Variants in DST observed in about 807,000 individuals in gnomAD.
DST encodes dystonin, also known as bullous pemphigoid antigen.
In DST, 253 loss-of-function variants were observed where a neutral mutation model predicts 875.2. The observed-to-expected ratio is 0.29, with a 90% CI of 0.26 to 0.32. The LOEUF is 0.32. Ranked by LOEUF, DST falls within the 10% of genes least tolerant of loss-of-function variation. The pLI, the probability that DST is intolerant of heterozygous loss-of-function variation, is 1.00. For synonymous variants in DST, 3,124 were observed against 3,197.1 expected (o/e 0.98, Z 0.77); for missense variants, 8,287 against 9,111.6 (o/e 0.91, Z 3.68).
intron 36 of DST, chr6:56,615,708 C>T: frequency 6.2e-7 from 1 of 1,614,142 alleles, no homozygotes; most frequent in Non-Finnish European, 8.5e-7. Flanking sequence ...GCAATGAGGA[C>T]ATCTATAATA....
intron 19 of DST, 48 bp from the exon 20 acceptor site, chr6:56,639,821 TTC>T: frequency 6.3e-7 from 1 of 1,594,454 alleles, no homozygotes; most frequent in East Asian, 2.2e-5. Context: ...TCTGAAGGAA[TTC>T]TGACTCACAC....
chr6:56,626,698 A>C (rs1426545577), intron 34 of DST, among the ~76,000 whole-genome samples: 1 of 152,180 alleles, frequency 6.6e-6, no homozygotes, highest in Non-Finnish European at 1.5e-5. Flanking sequence ...CAAAATCAGA[A>C]ACATGTAGGG....
intron 103 of DST, among the ~76,000 whole-genome samples, chr6:56,459,887 T>G (rs921536327): frequency 1.3e-5 from 2 of 152,110 alleles, no homozygotes; most frequent in African/African-American, 4.8e-5. Context: ...CTTGAAGGGG[T>G]AGAATACCAC....
At chr6:56,514,953 CTG>C (rs2096561186) in intron 72 of DST, among the ~76,000 whole-genome samples, 1 of 152,130 alleles carries the variant, frequency 6.6e-6, no homozygotes, top group Non-Finnish European at 1.5e-5. Flanking sequence ...ACAAAATAAT[CTG>C]TCTTTATACT....
At chr6:56,486,362 C>CAAA (rs61164880) in intron 87 of DST, among the ~76,000 whole-genome samples, 392 of 33,892 alleles carry the variant, frequency 0.012, 16 homozygotes, top group African/African-American at 0.034. Context: ...GACTCCGTCT[C>CAAA]AAAAAAAAAA....
intron 72 of DST, among the ~76,000 whole-genome samples, chr6:56,512,687 T>A (rs115417152): frequency 0.011 from 1,641 of 152,320 alleles, 27 homozygotes; most frequent in African/African-American, 0.038. Flanking sequence ...ATTGAAAGTG[T>A]CTACTAAAAT....
intron 2 of DST, among the ~76,000 whole-genome samples, chr6:56,919,014 A>G (rs1450103973): frequency 6.6e-6 from 1 of 151,404 alleles, no homozygotes; most frequent in Non-Finnish European, 1.5e-5. Context: ...TCTCCGAATT[A>G]TTTTCTTCTC....
chr6:56,908,960 C>T (rs1479686216), intron 2 of DST, among the ~76,000 whole-genome samples: 2 of 152,176 alleles, frequency 1.3e-5, no homozygotes, highest in African/African-American at 2.4e-5. Flanking sequence ...AAATGTGTAA[C>T]CAGTAGCCCT....
At chr6:56,466,316 T>G (rs944156873) in intron 98 of DST, 121 bp from the exon 99 acceptor site, 4 of 563,578 alleles carry the variant, frequency 7.1e-6, no homozygotes, top group African/African-American at 5.7e-5. Context: ...TCATAGCGAT[T>G]AGTAAAATCT....
At chr6:56,801,547 C>A (rs2099746856) in intron 4 of DST, among the ~76,000 whole-genome samples, 2 of 151,960 alleles carry the variant, frequency 1.3e-5, no homozygotes, top group Non-Finnish European at 2.9e-5. Context: ...AATTAAAATT[C>A]TCTTCCCCAC....
At chr6:56,745,469 A>G (rs184466028) in intron 4 of DST, among the ~76,000 whole-genome samples, 23 of 152,356 alleles carry the variant, frequency 1.5e-4, no homozygotes, top group Admixed American at 5.2e-4. Context: ...GTAGTACACG[A>G]AGAAATTATA....
At chr6:56,656,708 A>G (rs938458755) in intron 10 of DST, among the ~76,000 whole-genome samples, 2 of 152,216 alleles carry the variant, frequency 1.3e-5, no homozygotes, top group East Asian at 3.9e-4. Context: ...ATATCCTGGT[A>G]TCATAAACTG....
chr6:56,834,338 C>A (rs2099790932), intron 4 of DST, among the ~76,000 whole-genome samples: 1 of 152,240 alleles, frequency 6.6e-6, no homozygotes, highest in African/African-American at 2.4e-5. Flanking sequence ...GTGGCTCATG[C>A]CTGTAATCCC....
At position 56,632,958 on chromosome 6, in the gene DST, C is replaced by A. The variant is rs766408664; in HGVS notation, c.3701G>T (p.Ser1234Ile). The change falls in exon 28 of 104, where the codon AGC becomes ATC. Residue 1234 changes from serine to isoleucine, a missense_variant. Physicochemically the swap from Ser to Ile is moderately radical, Grantham distance 142. Coordinates refer to ENST00000680361, the MANE Select transcript of DST (RefSeq NM_001374736.1). ...GCCTGAAAAGACTTGGGATTCCTGGCTATCTTCCAGAAAATCTTCAAAACG... is the reference window on the plus strand; with the variant it reads ...GCCTGAAAAGACTTGGGATTCCTGGATATCTTCCAGAAAATCTTCAAAACG... Reference protein sequence around the residue: ...QSRFEDFLEDSQESQVFSGSD... With the variant: ...QSRFEDFLEDIQESQVFSGSD... 4.3e-6 allele frequency: 7 copies of A among 1,613,972 alleles called. No individual in the cohort carries two copies. The South Asian group carries it at 5.5e-5, about 13-fold the overall frequency.
Position 56,871,481 on chromosome 6 carries a change from T to C in DST, c.418-19877A>G, listed in dbSNP as rs1389333993. ...AATTTTTGCTGCACATGCTTAAAAA[T>C]GCAGAGAGTGATGCTGAACTTAAGG... On this transcript the variant is annotated intron_variant, in intron 3 of 103. Transcript: ENST00000680361. The C allele has an allele frequency of 3.8e-6, 6 of 1,584,260 alleles. No homozygotes were observed. In the East Asian group the frequency reaches 1.3e-4, roughly 35 times the overall value.
At chr6:56,946,039 C>T (rs1192470593) in intron 2 of DST, among the ~76,000 whole-genome samples, 1 of 152,080 alleles carries the variant, frequency 6.6e-6, no homozygotes. Flanking sequence ...AATGGGTGAA[C>T]TGTATGGTAC....
At chr6:56,881,880 T>G (rs565473518) in intron 3 of DST, among the ~76,000 whole-genome samples, 1 of 152,274 alleles carries the variant, frequency 6.6e-6, no homozygotes, top group East Asian at 1.9e-4. Flanking sequence ...ATATTCAATT[T>G]CATAGAGACC....
chr6:56,761,687 C>T (rs895932260), intron 4 of DST, among the ~76,000 whole-genome samples: 5 of 151,910 alleles, frequency 3.3e-5, no homozygotes, highest in African/African-American at 1.2e-4. Context: ...CATCTTAACC[C>T]CAGGTTAGGA....
At chr6:56,619,404 T>G (rs779937523) in intron 36 of DST, 1 of 1,613,394 alleles carries the variant, frequency 6.2e-7, no homozygotes, top group African/African-American at 1.3e-5. Context: ...GCTTTGATAT[T>G]TTGAAGCAAC....
Sources: gnomAD v4.1 joint callset for allele counts (sites outside exome capture counted in the v4.1 genomes callset) on GRCh38, gnomAD v4.1.1 for gene constraint, MANE v1.5 for transcripts, NCBI Gene and HGNC (gene_info 2026-07-23, HGNC 2026-07-21) for gene names.